MGA: variants seen among roughly 807,000 people sequenced by gnomAD.
MGA encodes MAX dimerization protein MGA.
MGA carries 40 observed loss-of-function variants against 261.1 expected under a neutral mutation model. The observed-to-expected ratio is 0.15, with a 90% CI of 0.12 to 0.20. MGA has a LOEUF of 0.20. Ranked by LOEUF, MGA falls within the 10% of genes least tolerant of loss-of-function variation. MGA has a pLI of 1.00. For missense variants in MGA, 3,397 were observed against 3,630.5 expected (o/e 0.94, Z 1.65); for synonymous variants, 1,302 against 1,290.6 (o/e 1.01, Z -0.19).
intron 1 of MGA, among the ~76,000 whole-genome samples, chr15:41,643,303 T>C (rs2056864624): frequency 6.6e-6 from 1 of 151,560 alleles, no homozygotes; most frequent in South Asian, 2.1e-4. Context: ...TGCAGTGGCG[T>C]GACCTTGGCT....
intron 19 of MGA, among the ~76,000 whole-genome samples, chr15:41,759,933 A>C (rs985999245): frequency 6.6e-6 from 1 of 152,114 alleles, no homozygotes; most frequent in African/African-American, 2.4e-5. Context: ...TTTTTACCAG[A>C]TTGAGGAGGA....
Position 41,727,176 on chromosome 15 carries a change from TAAGC to T in MGA, c.3431-3_3431del, listed in dbSNP as rs1431838876. The stretch of plus-strand genomic sequence containing the variant: ...CTAAAACCTTACCCTTCTTTTTTGT[TAAGC>T]TATATGTGAGACAGAGCCTGAACAG... On this transcript the variant is annotated splice_acceptor_variant and splice_polypyrimidine_tract_variant and coding_sequence_variant and intron_variant, in exon 10 of 24. Transcript: ENST00000219905. LOFTEE classifies it high-confidence loss of function. The T allele has an allele frequency of 1.2e-6, 2 of 1,607,514 alleles. No individual in the cohort carries two copies. Among genetic ancestry groups the T allele is most frequent in the Admixed American group, 1.7e-5 (1 of 58,602 alleles).
intron 10 of MGA, among the ~76,000 whole-genome samples, chr15:41,727,651 T>G (rs1255075378): frequency 6.6e-6 from 1 of 152,190 alleles, no homozygotes; most frequent in Non-Finnish European, 1.5e-5. Flanking sequence ...AAACATAGGC[T>G]TTTTTACATG....
intron 9 of MGA, among the ~76,000 whole-genome samples, chr15:41,715,137 C>G: frequency 8.0e-6 from 1 of 124,564 alleles, no homozygotes; most frequent in South Asian, 2.7e-4. Context: ...TGGTTTCTGT[C>G]TTTTTTTTTT....
chr15:41,696,813 T>G lies in MGA; in HGVS notation c.1803T>G (p.Asn601Lys). Residue 601 changes from asparagine (N) to lysine (K), a missense_variant, in exon 3 of 24, where the codon AAT becomes AAG. Around this residue, in one of 9 missense-constraint regions of MGA, gnomAD observed 563 missense variants for 563.6 expected, o/e 1.00. Coordinates refer to ENST00000219905, the MANE Select transcript of MGA (RefSeq NM_001164273.2). ...TTGCAACAGCCGCAAAGGTAGTGAA[T>G]GCTAATCAGAATGCCTCTCCAAATG... is the stretch of plus-strand genomic sequence containing the variant. 1 of 1,601,866 alleles carries G rather than the reference T, an allele frequency of 6.2e-7. No individual in the cohort carries two copies. The highest frequency in any genetic ancestry group is 8.5e-7 in the Non-Finnish European group (1 of 1,174,034).
At position 41,669,194 on chromosome 15, in the gene MGA, A is replaced by G; in HGVS notation, c.300A>G (p.Gln100=). The change falls in exon 2 of 24, where the codon CAA becomes CAG. Residue 100 remains glutamine, a synonymous_variant. Transcript: ENST00000219905. ...GCACAGAGATGATTCTGACCAAGCAAGGAAGACGCATGTTTCCTTACTGTC... is the reference window on the plus strand; with the variant it reads ...GCACAGAGATGATTCTGACCAAGCAGGGAAGACGCATGTTTCCTTACTGTC... The G allele has an allele frequency of 1.2e-6, 2 of 1,614,032 alleles. No homozygotes were observed. The highest frequency in any genetic ancestry group is 1.7e-6 in the Non-Finnish European group (2 of 1,179,898).
At chr15:41,660,720 T>A (rs1379461773) in intron 1 of MGA, among the ~76,000 whole-genome samples, 195 bp downstream of exon 1, 1 of 152,178 alleles carries the variant, frequency 6.6e-6, no homozygotes. Flanking sequence ...AGGCTGCGCA[T>A]GTCACCTCGC....
At chr15:41,710,412 A>C (rs2060331652) in intron 7 of MGA, among the ~76,000 whole-genome samples, 1 of 152,036 alleles carries the variant, frequency 6.6e-6, no homozygotes, top group African/African-American at 2.4e-5. Flanking sequence ...TAGTTTGTTT[A>C]TTAAGTATTT....
At chr15:41,645,709 C>G (rs866596244) in intron 1 of MGA, among the ~76,000 whole-genome samples, 1 of 152,172 alleles carries the variant, frequency 6.6e-6, no homozygotes, top group Non-Finnish European at 1.5e-5. Flanking sequence ...GAGAAATTCC[C>G]TTTTCACTTG....
chr15:41,643,321 A>T (rs1025035685), intron 1 of MGA, among the ~76,000 whole-genome samples: 1 of 150,612 alleles, frequency 6.6e-6, no homozygotes, highest in Non-Finnish European at 1.5e-5. Flanking sequence ...GCTCACTGCA[A>T]CCTCCGCCTC....
intron 1 of MGA, among the ~76,000 whole-genome samples, chr15:41,624,334 G>A (rs781154194): frequency 4.0e-5 from 6 of 151,698 alleles, no homozygotes; most frequent in Admixed American, 6.6e-5. Flanking sequence ...TGCAACTTCC[G>A]CATCCCAGTT....
rs1013341623 is a variant in MGA at position 41,710,805 on chromosome 15, A to T, written c.2540A>T (p.Asn847Ile). The stretch of plus-strand genomic sequence containing the variant: ...GAAACAAGCATGGGTTTTTCTTCTA[A>T]TGCTCCCACATCTCCTGTGGTGTAC... The change falls in exon 8 of 24, where the codon AAT (asparagine) becomes ATT (isoleucine). Residue 847 changes from asparagine to isoleucine, a missense_variant. Around this residue, in one of 9 missense-constraint regions of MGA, gnomAD observed 519 missense variants for 554.1 expected, o/e 0.94. Coordinates refer to ENST00000219905, the MANE Select transcript of MGA (RefSeq NM_001164273.2). 6.2e-7 allele frequency: 1 copy of T among 1,614,018 alleles called. No individual in the cohort carries two copies. The highest frequency in any genetic ancestry group is 1.3e-5 in the African/African-American group (1 of 75,054).
intron 15 of MGA, among the ~76,000 whole-genome samples, chr15:41,744,811 T>TACTGTC (rs1183828398): frequency 2.0e-5 from 3 of 152,250 alleles, no homozygotes; most frequent in African/African-American, 7.2e-5. Context: ...GTCCCATCTG[T>TACTGTC]ACTGTCACCT....
At chr15:41,740,234 G>C in intron 14 of MGA, 31 bp downstream of exon 14, 1 of 1,606,314 alleles carries the variant, frequency 6.2e-7, no homozygotes, top group Non-Finnish European at 8.5e-7. Context: ...GGTTTGGAAA[G>C]GCCTATGACT....
At chr15:41,651,286 T>TA (rs2057036575) in intron 1 of MGA, among the ~76,000 whole-genome samples, 1 of 152,180 alleles carries the variant, frequency 6.6e-6, no homozygotes, top group South Asian at 2.1e-4. Context: ...CCATAGTACT[T>TA]ATGAGATAAG....
chr15:41,710,293 A>AT (rs1276180368), intron 7 of MGA, among the ~76,000 whole-genome samples: 1 of 152,180 alleles, frequency 6.6e-6, no homozygotes, highest in South Asian at 2.1e-4. Flanking sequence ...TAGAGAATGG[A>AT]TTTTAATGTT....
intron 12 of MGA, among the ~76,000 whole-genome samples, chr15:41,735,434 G>A (rs966904251): frequency 6.6e-6 from 1 of 152,110 alleles, no homozygotes; most frequent in Non-Finnish European, 1.5e-5. Context: ...GAGTTAGAGT[G>A]CACTTAAAAT....
chr15:41,716,944 AAAAAGATGGGTAAC>A (rs2060671804), intron 9 of MGA, among the ~76,000 whole-genome samples: 1 of 152,192 alleles, frequency 6.6e-6, no homozygotes, highest in African/African-American at 2.4e-5. Context: ...CATTGCTGAA[AAAAAGATGGGTAAC>A]ATTATTGGAC....
At position 41,766,778 on chromosome 15, in the gene MGA, CCCT is replaced by C. The variant is rs749813193; in HGVS notation, c.8701_8703del (p.Leu2902del). The C allele has an allele frequency of 6.2e-7, 1 of 1,613,882 alleles. No individual in the cohort carries two copies. Among genetic ancestry groups the C allele is most frequent in the South Asian group, 1.1e-5 (1 of 91,060 alleles). On this transcript the variant is annotated inframe_deletion, in exon 24 of 24. Transcript: ENST00000219905. ...CAAGGGGAGAGTGACTCTATCAGTC[CCCT>C]CCTCTTGCACTTGGAAGACGATGAC...
Sources: gnomAD v4.1 joint callset for allele counts (sites outside exome capture counted in the v4.1 genomes callset) on GRCh38, gnomAD v4.1.1 for gene constraint, gnomAD v4.1.1 regional missense constraint, MANE v1.5 for transcripts, NCBI Gene and HGNC (gene_info 2026-07-23, HGNC 2026-07-21) for gene names.